The following PSMD1 variants were observed in gnomAD, a reference collection of about 807,000 sequenced individuals.
PSMD1 encodes 26S proteasome non-ATPase regulatory subunit 1.
PSMD1 carries 18 observed loss-of-function variants against 119.0 expected under a neutral mutation model. That is an observed-to-expected ratio of 0.15 (90% CI 0.10 to 0.22). The LOEUF (loss-of-function observed/expected upper bound fraction) is 0.22. Among genes scored for constraint, PSMD1 ranks in the 10% least tolerant of loss-of-function variants. PSMD1 has a pLI of 1.00. For synonymous variants in PSMD1, 374 were observed against 396.6 expected, an observed-to-expected ratio of 0.94 and a Z score of 0.68; for missense variants, 702 against 1,158.5, an observed-to-expected ratio of 0.61 and a Z score of 5.72.
At chr2:231,138,377 C>A (rs1173394243) in intron 16 of PSMD1, among the ~76,000 whole-genome samples, 3 of 152,120 alleles carry the variant, frequency 2.0e-5, no homozygotes, top group Admixed American at 2.0e-4. Context: ...TCTTCTGGAA[C>A]AAAATGCAAA....
chr2:231,084,963 GTAGAAGTTAACTGT>G, intron 14 of PSMD1, 42 bp from the exon 15 acceptor site: 1 of 1,424,434 alleles, frequency 7.0e-7, no homozygotes, highest in Non-Finnish European at 9.9e-7. Context: ...CTATTAGACT[GTAGAAGTTAACTGT>G]TTGAAATAAG....
Position 231,078,727 on chromosome 2 carries a change from A to T in PSMD1, c.1140A>T (p.Thr380=), listed in dbSNP as rs1209297919. ...CAAACTCTTTTATGCACTGTGGGAC[A>T]ACCAGTGACCAGTTTCTTAGGTAAA... The part of the protein sequence containing the change: ...VIANSFMHCG[T]TSDQFLRDNL... The change falls in exon 10 of 25, where the codon ACA becomes ACT. Residue 380 remains threonine, a synonymous_variant. Coordinates refer to ENST00000308696, the MANE Select transcript of PSMD1 (RefSeq NM_002807.4). 2.5e-6 allele frequency: 4 copies of T among 1,606,878 alleles called. No individual in the cohort carries two copies. The African/African-American group carries it at 5.4e-5, about 22-fold the overall frequency.
Position 231,072,605 on chromosome 2 carries a change from T to C in PSMD1, c.881+190T>C, listed in dbSNP as rs552615543. On this transcript the variant is annotated intron_variant, in intron 7 of 24. Transcript: ENST00000308696. ...GGTGTAGTAAGGAAAACCGAAGAAATTGACCCTTCTGGAAAGAAATAGAAG... is the reference window on the plus strand; with the variant it reads ...GGTGTAGTAAGGAAAACCGAAGAAACTGACCCTTCTGGAAAGAAATAGAAG... Among the ~76,000 whole-genome samples the C allele has an allele frequency of 4.6e-5, 7 of 152,136 alleles. No homozygotes were observed. The East Asian group carries it at 9.7e-4, about 21-fold the overall frequency.
chr2:231,113,583 G>T, intron 16 of PSMD1: 1 of 768,192 alleles, frequency 1.3e-6, no homozygotes, highest in Non-Finnish European at 2.4e-6. Context: ...GATAAATGCA[G>T]TGACATAAGG....
intron 16 of PSMD1, among the ~76,000 whole-genome samples, chr2:231,113,189 A>G (rs1488214269): frequency 6.6e-6 from 1 of 152,056 alleles, no homozygotes. Flanking sequence ...AAACCAAAAA[A>G]ACCCACTGAA....
intron 16 of PSMD1, among the ~76,000 whole-genome samples, chr2:231,114,590 T>C (rs1281017227): frequency 6.6e-6 from 1 of 152,208 alleles, no homozygotes; most frequent in Non-Finnish European, 1.5e-5. Flanking sequence ...AAACTGGAGA[T>C]AAAATAATTA....
At chr2:231,080,395 G>T in intron 12 of PSMD1, 81 bp downstream of exon 12, 1 of 1,222,112 alleles carries the variant, frequency 8.2e-7, no homozygotes, top group Non-Finnish European at 1.1e-6. Flanking sequence ...TTAGTGACTG[G>T]AGATTTTGTA....
chr2:231,070,080 A>G lies in PSMD1; in HGVS notation c.566A>G (p.Gln189Arg), dbSNP rs749581365. The change falls in exon 6 of 25, where the codon CAG becomes CGG. Residue 189 changes from glutamine (Q) to arginine (R), a missense_variant. This residue lies in a region of PSMD1 where 58 missense variants were observed against 54.0 expected (regional missense o/e 1.07). Coordinates refer to ENST00000308696, the MANE Select transcript of PSMD1 (RefSeq NM_002807.4). ...YSLKLCMSLM[Q>R]NKQFRNKVLR... is the part of the protein sequence containing the mutation. ...CTTAAGCTCTGCATGTCTTTAATGC[A>G]GAATAAACAGTTTCGGAATAAAGTA... The G allele has an allele frequency of 2.5e-6, 4 of 1,577,106 alleles. No individual in the cohort carries two copies. The highest frequency in any genetic ancestry group is 1.4e-5 in the African/African-American group (1 of 73,382).
Position 231,153,674 on chromosome 2 carries a change from T to C in PSMD1, c.2218+8T>C, listed in dbSNP as rs1200186245. On this transcript the variant is annotated splice_region_variant and intron_variant, in intron 19 of 24. Coordinates refer to ENST00000308696, the MANE Select transcript of PSMD1 (RefSeq NM_002807.4). ...AGGGCATACTGGATGCAGGTAAATG[T>C]TTTTAAGTCTTCAAGATTTATTTAT... The C allele has an allele frequency of 3.2e-6, 5 of 1,541,018 alleles. No homozygotes were observed. Among genetic ancestry groups the C allele is most frequent in the Non-Finnish European group, 4.5e-6 (5 of 1,121,064 alleles).
intron 16 of PSMD1, among the ~76,000 whole-genome samples, chr2:231,128,826 C>T (rs1695788520): frequency 6.6e-6 from 1 of 152,164 alleles, no homozygotes; most frequent in Non-Finnish European, 1.5e-5. Flanking sequence ...AATACAGCAC[C>T]TTCTTCTTTA....
intron 5 of PSMD1, among the ~76,000 whole-genome samples, chr2:231,069,014 A>G (rs1693973396): frequency 6.6e-6 from 1 of 152,222 alleles, no homozygotes; most frequent in Non-Finnish European, 1.5e-5. Context: ...TTGTGGTTTC[A>G]GGCATCTGCT....
intron 16 of PSMD1, chr2:231,124,015 AAG>A: frequency 2.1e-6 from 1 of 469,632 alleles, no homozygotes; most frequent in South Asian, 2.4e-5. Flanking sequence ...AGCTCAGTGA[AAG>A]AAACTGATAG....
intron 16 of PSMD1, among the ~76,000 whole-genome samples, chr2:231,092,846 T>TGC (rs1470454405): frequency 6.6e-6 from 1 of 152,226 alleles, no homozygotes; most frequent in Admixed American, 6.5e-5. Context: ...TGAGGCTATC[T>TGC]GCAACCAAGA....
intron 16 of PSMD1, among the ~76,000 whole-genome samples, chr2:231,137,440 G>GT (rs1276810028): frequency 2.0e-5 from 3 of 152,230 alleles, no homozygotes; most frequent in Non-Finnish European, 2.9e-5. Flanking sequence ...ATGTGTGTTG[G>GT]TTTTGTCTCA....
At chr2:231,073,770 T>G (rs1441646032) in intron 7 of PSMD1, among the ~76,000 whole-genome samples, 1 of 152,072 alleles carries the variant, frequency 6.6e-6, no homozygotes, top group Non-Finnish European at 1.5e-5. Context: ...TGTTGTGAAG[T>G]GGTATTTTTA....
At chr2:231,074,659 A>C (rs1469630568) in intron 7 of PSMD1, among the ~76,000 whole-genome samples, 1 of 151,928 alleles carries the variant, frequency 6.6e-6, no homozygotes, top group Non-Finnish European at 1.5e-5. Context: ...CTTTTTTCTA[A>C]TATTTTATGA....
chr2:231,102,312 T>C (rs1311383763), intron 16 of PSMD1, among the ~76,000 whole-genome samples: 2 of 152,168 alleles, frequency 1.3e-5, no homozygotes, highest in Non-Finnish European at 2.9e-5. Flanking sequence ...TGAGGTATTT[T>C]ATTAAAGAAT....
chr2:231,065,838 A>G (rs1363360135), intron 4 of PSMD1, among the ~76,000 whole-genome samples: 1 of 152,218 alleles, frequency 6.6e-6, no homozygotes, highest in African/African-American at 2.4e-5. Flanking sequence ...GAATTTTCAG[A>G]CACCTTCTTG....
At chr2:231,110,281 C>T (rs1366537151) in intron 16 of PSMD1, among the ~76,000 whole-genome samples, 1 of 152,194 alleles carries the variant, frequency 6.6e-6, no homozygotes, top group East Asian at 1.9e-4. Flanking sequence ...GATCACACCA[C>T]TGCCCTCCAC....
Sources: gnomAD v4.1 joint callset for allele counts (sites outside exome capture counted in the v4.1 genomes callset) on GRCh38, gnomAD v4.1.1 for gene constraint, gnomAD v4.1.1 regional missense constraint, MANE v1.5 for transcripts, NCBI Gene and HGNC (gene_info 2026-07-23, HGNC 2026-07-21) for gene names.